The following UPF1 variants were observed in gnomAD, a reference collection of about 807,000 sequenced individuals.
The protein encoded by UPF1 is regulator of nonsense transcripts 1.
Under a neutral mutation model 129.2 loss-of-function variants are expected in UPF1, and 9 were observed. The ratio of observed to expected loss-of-function variants is 0.07; its 90% CI spans 0.04 to 0.12. UPF1 has a LOEUF of 0.12. UPF1 is among the 10% of genes least tolerant of loss of function. UPF1 has a pLI of 1.00. For missense variants in UPF1, 788 were observed against 1,525.3 expected (o/e 0.52, Z 8.05); for synonymous variants, 649 against 644.9 (o/e 1.01, Z -0.10).
intron 15 of UPF1, chr19:18,860,080 G>C (rs973425139): frequency 5.9e-6 from 3 of 510,980 alleles, no homozygotes; most frequent in Non-Finnish European, 1.0e-5. Context: ...TCCCTGTTCA[G>C]GGGCTGAGCC....
intron 1 of UPF1, among the ~76,000 whole-genome samples, chr19:18,844,264 C>T (rs921876068): frequency 3.7e-5 from 4 of 107,972 alleles, no homozygotes; most frequent in Admixed American, 1.4e-4. Flanking sequence ...GTGTCCAGAG[C>T]AGAGGTGATG....
rs1456698937 is a variant in UPF1, at chr19:18,851,273, CAG to C, written c.810+408_810+409del. 4.9e-5 allele frequency: 8 copies of C among 162,060 alleles called. No individual in the cohort carries two copies. Among genetic ancestry groups the C allele is most frequent in the South Asian group, 1.8e-4 (1 of 5,592 alleles). 10.0% of individuals were successfully genotyped at this position (162,060 alleles called of 1,614,324 possible). A position where few individuals can be genotyped will look rare whatever the true frequency, so the allele number is the denominator to read the frequency against. ...TCGAGGTCGGCACAGTCAGCTGAGACAGAGGGGAGAGGAGAGGGTGCCGGGTC... is the reference window on the plus strand; with the variant it reads ...TCGAGGTCGGCACAGTCAGCTGAGACAGGGGAGAGGAGAGGGTGCCGGGTC... On this transcript the variant is annotated intron_variant, in intron 5 of 23. Coordinates refer to ENST00000262803, the MANE Select transcript of UPF1 (RefSeq NM_002911.4). The surrounding 1 kb of genome is among the most constrained non-coding windows in gnomAD (Gnocchi z 4.2).
At chr19:18,858,316 C>T (rs774278416) in intron 15 of UPF1, among the ~76,000 whole-genome samples, 3 of 152,186 alleles carry the variant, frequency 2.0e-5, no homozygotes, top group Admixed American at 1.3e-4. Context: ...AACTTAACGT[C>T]GCTTGCCATG....
At chr19:18,848,056 G>T in intron 3 of UPF1, 1 of 464,808 alleles carries the variant, frequency 2.2e-6, no homozygotes, top group Non-Finnish European at 3.9e-6. Context: ...TATGCAAGTA[G>T]GGTTGGCTTA....
Position 18,855,140 on chromosome 19 carries a change from C to G in UPF1, c.1442C>G (p.Thr481Ser). 6.2e-7 allele frequency: 1 copy of G among 1,613,994 alleles called. No homozygotes were observed. Among genetic ancestry groups the G allele is most frequent in the Non-Finnish European group, 8.5e-7 (1 of 1,179,976 alleles). ...LNHSQVYAVK[T>S]VLQRPLSLIQ... ...GTATTGAAGGTTTATGCCGTGAAGA[C>G]TGTGCTGCAAAGACCACTGAGCCTG... Residue 481 changes from threonine (T) to serine (S), a missense_variant, in exon 11 of 24, where the codon ACT (threonine) becomes AGT (serine). Physicochemically the swap from Thr to Ser is moderately conservative, Grantham distance 58. Coordinates refer to ENST00000262803, the MANE Select transcript of UPF1 (RefSeq NM_002911.4).
At chr19:18,844,750 C>G (rs1178170017) in intron 1 of UPF1, among the ~76,000 whole-genome samples, 1 of 152,234 alleles carries the variant, frequency 6.6e-6, no homozygotes, top group Non-Finnish European at 1.5e-5. Context: ...CATCATGTCC[C>G]CTGGCGTGGG....
intron 1 of UPF1, among the ~76,000 whole-genome samples, chr19:18,836,749 ATTTT>A (rs755282469): frequency 5.3e-4 from 68 of 129,480 alleles, no homozygotes; most frequent in South Asian, 4.4e-3. Context: ...CTATCCACCC[ATTTT>A]TTTTTTTTTT....
At chr19:18,847,386 G>T (rs1425418203) in intron 2 of UPF1, among the ~76,000 whole-genome samples, 1 of 152,232 alleles carries the variant, frequency 6.6e-6, no homozygotes, top group Non-Finnish European at 1.5e-5. Context: ...AGTGCCCTCT[G>T]CTGGAGCCCA....
intron 23 of UPF1, 88 bp downstream of exon 23, chr19:18,866,254 G>T (rs1344840948): frequency 1.4e-6 from 2 of 1,445,476 alleles, no homozygotes; most frequent in Non-Finnish European, 1.8e-6. Context: ...GCACTGGAGG[G>T]GTGGTATCTG....
At position 18,866,303 on chromosome 19, in the gene UPF1, A is replaced by G; in HGVS notation, c.*3+137A>G. The G allele has an allele frequency of 3.0e-6, 4 of 1,333,056 alleles. No individual in the cohort carries two copies. In the South Asian group the frequency reaches 6.5e-5, roughly 22 times the overall value. 82.6% of individuals were successfully genotyped at this position (1,333,056 alleles called of 1,614,324 possible). ...TGCCTGGTGGGGGTCATAGGCCCTCAGGGCCAGCTTGGCCTGTGCCCTTCA... is the reference window on the plus strand; with the variant it reads ...TGCCTGGTGGGGGTCATAGGCCCTCGGGGCCAGCTTGGCCTGTGCCCTTCA... On this transcript the variant is annotated intron_variant, in intron 23 of 23. Transcript: ENST00000262803.
chr19:18,856,910 G>A lies in UPF1; in HGVS notation c.1858G>A (p.Ala620Thr), dbSNP rs1169322559. The A allele has an allele frequency of 1.2e-6, 2 of 1,611,962 alleles. No individual in the cohort carries two copies. Among genetic ancestry groups the A allele is most frequent in the Admixed American group, 3.3e-5 (2 of 59,986 alleles). The change falls in exon 14 of 24, where the codon GCC (alanine) becomes ACC (threonine). Residue 620 changes from alanine (A) to threonine (T), a missense_variant. Around this residue, in one of 6 missense-constraint regions of UPF1, gnomAD observed 140 missense variants for 385.9 expected, o/e 0.36. Coordinates refer to ENST00000262803, the MANE Select transcript of UPF1 (RefSeq NM_002911.4). ...ADVICCTCVGAGDPRLAKMQF... is the reference protein window; with the variant it reads ...ADVICCTCVGTGDPRLAKMQF... ...TGTCATCTGCTGCACATGTGTGGGC[G>A]CCGGTGACCCGAGGCTGGCCAAGAT...
intron 1 of UPF1, among the ~76,000 whole-genome samples, chr19:18,843,105 G>A (rs1205860585): frequency 4.6e-5 from 7 of 152,190 alleles, no homozygotes; most frequent in Non-Finnish European, 1.0e-4. Context: ...TTACAGGTAT[G>A]AGCCATCACG....
At position 18,847,732 on chromosome 19, in the gene UPF1, T is replaced by A; in HGVS notation, c.372-12T>A. ...GCTTCCAGCTGTAACTGTCGCTGTT[T>A]TGATTTTTTAGTTACTGTGGAATAC... On this transcript the variant is annotated splice_polypyrimidine_tract_variant and intron_variant, in intron 2 of 23. Coordinates refer to ENST00000262803, the MANE Select transcript of UPF1 (RefSeq NM_002911.4). 1 of 1,612,916 alleles carries A rather than the reference T, an allele frequency of 6.2e-7. No individual in the cohort carries two copies.
intron 1 of UPF1, among the ~76,000 whole-genome samples, chr19:18,842,062 A>G (rs2055547772): frequency 6.6e-6 from 1 of 152,108 alleles, no homozygotes; most frequent in Non-Finnish European, 1.5e-5. Context: ...CTACCACTGC[A>G]CTCCAGCCTG....
intron 17 of UPF1, 137 bp downstream of exon 17, chr19:18,861,119 CT>C: frequency 4.9e-6 from 6 of 1,221,748 alleles, no homozygotes; most frequent in Non-Finnish European, 6.7e-6. Flanking sequence ...CTGGCCCACC[CT>C]CTGGGGAGGG....
intron 3 of UPF1, 165 bp downstream of exon 3, chr19:18,847,998 A>T: frequency 1.6e-6 from 1 of 630,186 alleles, no homozygotes; most frequent in South Asian, 1.9e-5. Flanking sequence ...TGGTGTGTGA[A>T]TGCCTTAATG....
At chr19:18,857,647 A>G (rs1188907710) in intron 15 of UPF1, 114 bp downstream of exon 15, 7 of 1,229,536 alleles carry the variant, frequency 5.7e-6, no homozygotes, top group African/African-American at 1.5e-5. Context: ...TCACATAGCC[A>G]CTGCTTGAGG....
In UPF1 at chr19:18,863,537, G is replaced by A; in HGVS notation, c.2700G>A (p.Glu900=). The A allele has an allele frequency of 6.2e-7, 1 of 1,613,890 alleles. No individual in the cohort carries two copies. Among genetic ancestry groups the A allele is most frequent in the Non-Finnish European group, 8.5e-7 (1 of 1,179,892 alleles). The change falls in exon 19 of 24, where the codon GAG becomes GAA. Residue 900 remains glutamate (E), a synonymous_variant. Coordinates refer to ENST00000262803, the MANE Select transcript of UPF1 (RefSeq NM_002911.4). The part of the protein sequence containing the change: ...NYYKEQKVLV[E]GPLNNLRESL... ...ATAAGGAGCAGAAGGTGCTGGTGGA[G>A]GGGCCGCTCAACAACCTGCGTGAGA... is the stretch of plus-strand genomic sequence containing the variant.
In UPF1 at chr19:18,850,671, C is replaced by CCCCT; in HGVS notation, c.630-13_630-10dup. On this transcript the variant is annotated splice_polypyrimidine_tract_variant and intron_variant, in intron 4 of 23. Transcript: ENST00000262803. This position sits in a 1 kb window ranked among gnomAD's most constrained non-coding sequence, Gnocchi z 7.1. The stretch of plus-strand genomic sequence containing the variant: ...AGGGACGGGAGCTGGTCCTCACGGC[C>CCCCT]CCCTCCCGCTCTGCAGGCAGCCCTG... 6.5e-7 allele frequency: 1 copy of CCCCT among 1,550,058 alleles called. No individual in the cohort carries two copies. The highest frequency in any genetic ancestry group is 8.7e-7 in the Non-Finnish European group (1 of 1,145,674).
Sources: gnomAD v4.1 joint callset for allele counts (sites outside exome capture counted in the v4.1 genomes callset) on GRCh38, gnomAD v4.1.1 for gene constraint, gnomAD v4.1.1 regional missense constraint, Gnocchi (gnomAD v3.1) non-coding constraint, MANE v1.5 for transcripts, NCBI Gene and HGNC (gene_info 2026-07-23, HGNC 2026-07-21) for gene names.